CCNY: variants seen among roughly 807,000 people sequenced by gnomAD.
CCNY encodes cyclin Y, also known as cyclin-Y.
A neutral mutation model predicts 42.8 loss-of-function variants in CCNY; 19 were observed. The ratio of observed to expected loss-of-function variants is 0.44; its 90% CI spans 0.31 to 0.65. The LOEUF is 0.65. Among genes scored for constraint, CCNY ranks in the 30% least tolerant of loss-of-function variants. The probability of loss-of-function intolerance (pLI) is 0.07; values close to 1 mark genes in which losing one functional copy is unlikely to be tolerated. For synonymous variants in CCNY, 165 were observed against 162.7 expected (o/e 1.01, Z -0.11); for missense variants, 370 against 437.3 (o/e 0.85, Z 1.37).
chr10:35,469,485 C>T (rs898387203), intron 1 of CCNY, among the ~76,000 whole-genome samples: 7 of 151,976 alleles, frequency 4.6e-5, no homozygotes, highest in African/African-American at 1.7e-4. Context: ...ACAGTTATAG[C>T]TAGGAAAAGA....
Position 35,324,017 on chromosome 10 carries a change from C to CA in CCNY, c.-9+73406dup, listed in dbSNP as rs35546209. On this transcript the variant is annotated intron_variant, in intron 3 of 11. Coordinates refer to the CCNY transcript ENST00000374706. The stretch of plus-strand genomic sequence containing the variant: ...CCTGGGCTACAGTGAGACTTTGCCT[C>CA]AAAAAAAAAAAAAAATTCCAAAGGT... 2.1e-3 allele frequency among the ~76,000 whole-genome samples: 282 copies of CA among 135,108 alleles called. 1 individual carries two copies. The highest frequency in any genetic ancestry group is 7.6e-3 in the Middle Eastern group (2 of 264). The allele number at this position is 135,108 out of a possible 152,430, so 88.6% of individuals were successfully genotyped here.
At chr10:35,347,233 A>G (rs1398428110) in intron 1 of CCNY, among the ~76,000 whole-genome samples, 1 of 152,172 alleles carries the variant, frequency 6.6e-6, no homozygotes, top group Admixed American at 6.5e-5. Flanking sequence ...CTCAGCAGAG[A>G]TGTGTGAGCA....
At chr10:35,478,320 C>T (rs1276106853) in intron 1 of CCNY, among the ~76,000 whole-genome samples, 7 of 151,994 alleles carry the variant, frequency 4.6e-5, no homozygotes, top group Middle Eastern at 3.4e-3. Flanking sequence ...AAAAAGAGCG[C>T]GCATCACCAA....
intron 7 of CCNY, among the ~76,000 whole-genome samples, chr10:35,541,976 C>G (rs1160157875): frequency 6.6e-6 from 1 of 150,450 alleles, no homozygotes; most frequent in Non-Finnish European, 1.5e-5. Flanking sequence ...AGGATCCCAT[C>G]CAGGACACCA....
At chr10:35,299,816 T>C (rs536679543) in intron 3 of CCNY, among the ~76,000 whole-genome samples, 1 of 152,360 alleles carries the variant, frequency 6.6e-6, no homozygotes, top group South Asian at 2.1e-4. Flanking sequence ...ATTTATACCA[T>C]ATGTTTTTAT....
At position 35,425,987 on chromosome 10, in the gene CCNY, T is replaced by TG. The variant is rs138430995; in HGVS notation, c.155-57412dup. 2.2e-3 allele frequency among the ~76,000 whole-genome samples: 334 copies of TG among 152,140 alleles called. 1 individual carries two copies. The highest frequency in any genetic ancestry group is 7.7e-3 in the African/African-American group (318 of 41,468). On this transcript the variant is annotated intron_variant, in intron 1 of 9. Transcript: ENST00000374704. Reference sequence around the variant, plus strand: ...GAGGACTGCAGCTTCCTTTTCACCCTGGGGGAGACTCTGAATCCTGGCCAT... The same window carrying TG: ...GAGGACTGCAGCTTCCTTTTCACCCTGGGGGGAGACTCTGAATCCTGGCCAT...
chr10:35,279,272 C>A (rs1177694941), intron 3 of CCNY, among the ~76,000 whole-genome samples: 1 of 152,044 alleles, frequency 6.6e-6, no homozygotes, highest in Non-Finnish European at 1.5e-5. Context: ...TGCACCACCA[C>A]GCCCAGCTAG....
chr10:35,333,389 C>T (rs934433409), upstream of CCNY, among the ~76,000 whole-genome samples: 1 of 152,176 alleles, frequency 6.6e-6, no homozygotes, highest in Non-Finnish European at 1.5e-5. Flanking sequence ...AGAGCTGAAC[C>T]CCACAGAAAT....
At chr10:35,387,202 A>C (rs1837317209) in intron 1 of CCNY, among the ~76,000 whole-genome samples, 1 of 152,194 alleles carries the variant, frequency 6.6e-6, no homozygotes, top group Non-Finnish European at 1.5e-5. Context: ...ACAAAGGAAA[A>C]CACCAAAACT....
At chr10:35,512,274 G>C (rs1240864086) in intron 3 of CCNY, among the ~76,000 whole-genome samples, 3 of 152,228 alleles carry the variant, frequency 2.0e-5, no homozygotes, top group East Asian at 1.9e-4. Context: ...AACCAGGCAA[G>C]TAGTGAGCTC....
chr10:35,482,984 C>T (rs1226508332), intron 1 of CCNY, among the ~76,000 whole-genome samples: 3 of 152,132 alleles, frequency 2.0e-5, no homozygotes, highest in Non-Finnish European at 2.9e-5. Context: ...GATGCTGATT[C>T]GCCCTAACGA....
At chr10:35,316,582 AC>A (rs1231836855) in intron 3 of CCNY, among the ~76,000 whole-genome samples, 2 of 152,194 alleles carry the variant, frequency 1.3e-5, no homozygotes, top group East Asian at 3.8e-4. Flanking sequence ...CTTTTTTAAA[AC>A]ATGGTTGTGT....
chr10:35,440,090 T>C (rs1320740458), intron 1 of CCNY, among the ~76,000 whole-genome samples: 4 of 152,160 alleles, frequency 2.6e-5, no homozygotes. Flanking sequence ...CAGCCTTTGT[T>C]GGTGTGGATG....
chr10:35,519,932 C>T (rs1433332121), intron 4 of CCNY, among the ~76,000 whole-genome samples: 1 of 151,998 alleles, frequency 6.6e-6, no homozygotes, highest in Non-Finnish European at 1.5e-5. Flanking sequence ...TACACACTAC[C>T]ATGGCCAGCT....
chr10:35,372,536 G>A (rs1836960160), intron 1 of CCNY, among the ~76,000 whole-genome samples: 2 of 152,070 alleles, frequency 1.3e-5, no homozygotes, highest in South Asian at 2.1e-4. Flanking sequence ...TATTCCACTT[G>A]TCATTCTCTG....
Position 35,262,251 on chromosome 10 carries a change from C to T in CCNY, c.-9+11625C>T, listed in dbSNP as rs867235871. Among the ~76,000 whole-genome samples the T allele has an allele frequency of 4.6e-3, 396 of 85,862 alleles. 6 individuals are homozygous for T. Among genetic ancestry groups the T allele is most frequent in the African/African-American group, 0.02 (377 of 18,948 alleles). 56.3% of individuals were successfully genotyped at this position (85,862 alleles called of 152,430 possible). ...CACTCCCACCTGGACAACAGAAACT[C>T]TGTCTCAAAAAAAAAAAAAAAAAAA... On this transcript the variant is annotated intron_variant, in intron 3 of 11. Coordinates refer to the CCNY transcript ENST00000374706.
At chr10:35,404,731 G>A (rs894317340) in intron 1 of CCNY, among the ~76,000 whole-genome samples, 16 of 152,162 alleles carry the variant, frequency 1.1e-4, no homozygotes, top group Admixed American at 1.0e-3. Flanking sequence ...TTGTGGAAGG[G>A]GTTGGGGTTT....
chr10:35,506,902 C>T (rs1049317271), intron 3 of CCNY, among the ~76,000 whole-genome samples: 1 of 152,206 alleles, frequency 6.6e-6, no homozygotes, highest in African/African-American at 2.4e-5. Flanking sequence ...TTTCACATTG[C>T]TCTGACACTG....
Position 35,553,063 on chromosome 10 carries a change from T to C in CCNY, c.624T>C (p.Cys208=). ...TAACATACGCAGAGATAGATATCTG[T>C]CCGGCCAACTGGAAGCGGATTGTTT... ...RLLTYAEIDI[C]PANWKRIVLG... is the part of the protein sequence containing the mutation. The change falls in exon 8 of 10, where the codon TGT becomes TGC. Residue 208 remains cysteine, a synonymous_variant. Coordinates refer to ENST00000374704, the MANE Select transcript of CCNY (RefSeq NM_145012.6). The C allele has an allele frequency of 1.9e-6, 3 of 1,614,186 alleles. No individual in the cohort carries two copies. Among genetic ancestry groups the C allele is most frequent in the Non-Finnish European group, 2.5e-6 (3 of 1,180,026 alleles).
Sources: gnomAD v4.1 joint callset for allele counts (sites outside exome capture counted in the v4.1 genomes callset) on GRCh38, gnomAD v4.1.1 for gene constraint, MANE v1.5 for transcripts, NCBI Gene and HGNC (gene_info 2026-07-23, HGNC 2026-07-21) for gene names.